The following FAM186A variants were observed in gnomAD, a reference collection of about 807,000 sequenced individuals.
FAM186A encodes the protein family with sequence similarity 186 member A, also known as protein FAM186A.
A neutral mutation model predicts 216.8 loss-of-function variants in FAM186A; 163 were observed. The observed-to-expected ratio is 0.75, with a 90% CI of 0.66 to 0.86. The LOEUF (loss-of-function observed/expected upper bound fraction) is 0.86, where lower values mean the gene tolerates loss of function less well. Ranked by LOEUF, FAM186A falls within the 40% of genes least tolerant of loss-of-function variation. The probability of loss-of-function intolerance (pLI) is 0.00; values close to 1 mark genes in which losing one functional copy is unlikely to be tolerated. For missense variants in FAM186A, 2,184 were observed against 2,746.2 expected (o/e 0.80, Z 4.58); for synonymous variants, 805 against 1,025.3 (o/e 0.79, Z 4.10).
intron 3 of FAM186A, 75 bp from the exon 4 acceptor site, chr12:50,356,323 A>C: frequency 8.1e-7 from 1 of 1,232,994 alleles, no homozygotes. Context: ...TTTAAATCTA[A>C]GGAATTTAGC....
At chr12:50,358,355 AG>A (rs1488042208) in intron 3 of FAM186A, among the ~76,000 whole-genome samples, 2 of 151,770 alleles carry the variant, frequency 1.3e-5, no homozygotes, top group Non-Finnish European at 2.9e-5. Context: ...CTGAGGCAGG[AG>A]GATCGTTTGA....
At chr12:50,365,466 A>C (rs1476914685) in intron 1 of FAM186A, among the ~76,000 whole-genome samples, 2 of 152,188 alleles carry the variant, frequency 1.3e-5, no homozygotes, top group African/African-American at 4.8e-5. Context: ...AGAATGTTAA[A>C]AATATTTTTT....
chr12:50,359,117 AAGAC>A (rs1403261262), intron 3 of FAM186A, among the ~76,000 whole-genome samples: 1 of 151,692 alleles, frequency 6.6e-6, no homozygotes, highest in Non-Finnish European at 1.5e-5. Context: ...AATAAAAAAA[AAGAC>A]AGACAGAGGC....
rs2136093603 is a variant in FAM186A, at chr12:50,354,305, A to G, written c.2527T>C (p.Leu843=). The G allele has an allele frequency of 1.3e-6, 2 of 1,551,604 alleles. No individual in the cohort carries two copies. The highest frequency in any genetic ancestry group is 1.2e-5 in the South Asian group (1 of 84,052). ...QMSGMSLKQQ[L]LGERNLLKEH... is the part of the protein sequence containing the mutation. ...TTCAAGAGATTTCTTTCTCCCAGCAACTGCTGTTTGAGACTCATGCCAGAC... is the reference window on the plus strand; with the variant it reads ...TTCAAGAGATTTCTTTCTCCCAGCAGCTGCTGTTTGAGACTCATGCCAGAC... Residue 843 remains leucine (L), a synonymous_variant, in exon 4 of 8, where the codon TTG becomes CTG. Coordinates refer to ENST00000327337, the MANE Select transcript of FAM186A (RefSeq NM_001145475.3).
In FAM186A at chr12:50,351,513, G is replaced by A. The variant is rs937113757; in HGVS notation, c.5319C>T (p.Ala1773=). 2 of 1,507,478 alleles carry A rather than the reference G, an allele frequency of 1.3e-6. No individual in the cohort carries two copies. The highest frequency in any genetic ancestry group is 8.9e-7 in the Non-Finnish European group (1 of 1,129,048). 93.4% of individuals were successfully genotyped at this position (1,507,478 alleles called of 1,614,324 possible). The part of the protein sequence containing the change: ...SRVPLNQGPF[A]PGKPLEMGIL... ...TCCCCATTTCTAGGGGCTTCCCAGG[G>A]GCAAAGGGGCCTTGGTTGAGGGGAA... Residue 1773 remains alanine, a synonymous_variant, in exon 4 of 8, where the codon GCC becomes GCT. Transcript: ENST00000327337.
intron 1 of FAM186A, among the ~76,000 whole-genome samples, chr12:50,367,620 A>G (rs772279765): frequency 6.6e-6 from 1 of 152,052 alleles, no homozygotes; most frequent in Non-Finnish European, 1.5e-5. Flanking sequence ...AATTGTAGAA[A>G]CCCTACATAT....
At chr12:50,375,207 TAAAAC>T (rs1405960714) in intron 1 of FAM186A, among the ~76,000 whole-genome samples, 6 of 151,308 alleles carry the variant, frequency 4.0e-5, no homozygotes, top group Admixed American at 6.6e-5. Flanking sequence ...ACAAATAAAA[TAAAAC>T]AAACCAAAAA....
chr12:50,348,452 A>T (rs762973926), intron 4 of FAM186A, among the ~76,000 whole-genome samples: 6 of 151,850 alleles, frequency 4.0e-5, no homozygotes, highest in Non-Finnish European at 8.8e-5. Context: ...CGAACTCCTG[A>T]CCTCAAGTAA....
chr12:50,328,391 A>G (rs1044137795), intron 7 of FAM186A, among the ~76,000 whole-genome samples: 9 of 152,152 alleles, frequency 5.9e-5, no homozygotes, highest in Non-Finnish European at 1.3e-4. Flanking sequence ...AAACAAAAAT[A>G]CAGATCTACA....
At chr12:50,331,383 G>A (rs560569758) in intron 6 of FAM186A, among the ~76,000 whole-genome samples, 38 of 152,250 alleles carry the variant, frequency 2.5e-4, no homozygotes, top group African/African-American at 8.9e-4. Flanking sequence ...GGGATTACAG[G>A]CATGCACCAC....
Position 50,334,994 on chromosome 12 carries a change from G to A in FAM186A, c.6504-891C>T, listed in dbSNP as rs550737518. Among the ~76,000 whole-genome samples the A allele has an allele frequency of 8.5e-5, 13 of 152,240 alleles. No homozygotes were observed. The South Asian group carries it at 2.7e-3, about 32-fold the overall frequency. ...TTTAAAAATTATGCCAGGTGAAGTG[G>A]CTCATGCCTGTAATCCCAGCACTTT... On this transcript the variant is annotated intron_variant, in intron 4 of 7. Coordinates refer to ENST00000327337, the MANE Select transcript of FAM186A (RefSeq NM_001145475.3).
intron 7 of FAM186A, among the ~76,000 whole-genome samples, 155 bp from the exon 8 acceptor site, chr12:50,327,559 T>C (rs1241618163): frequency 6.6e-6 from 1 of 150,400 alleles, no homozygotes; most frequent in South Asian, 2.1e-4. Context: ...TTTTTTTTTT[T>C]GAGACAGGGT....
intron 6 of FAM186A, among the ~76,000 whole-genome samples, chr12:50,331,399 C>G (rs1001884159): frequency 4.6e-5 from 7 of 152,090 alleles, no homozygotes; most frequent in Non-Finnish European, 7.4e-5. Flanking sequence ...ACCACTATGC[C>G]GGGCTAATTT....
intron 1 of FAM186A, among the ~76,000 whole-genome samples, chr12:50,379,333 G>A (rs944825807): frequency 2.6e-5 from 4 of 151,890 alleles, no homozygotes; most frequent in South Asian, 2.1e-4. Context: ...CCAGCTACTC[G>A]GGAGGCTGAG....
chr12:50,353,256 C>T lies in FAM186A; in HGVS notation c.3576G>A (p.Gly1192=), dbSNP rs1942928729. 1.3e-6 allele frequency: 2 copies of T among 1,531,128 alleles called. No homozygotes were observed. Among genetic ancestry groups the T allele is most frequent in the South Asian group, 2.4e-5 (2 of 82,656 alleles). The allele number at this position is 1,531,128 out of a possible 1,614,324, so 94.8% of individuals were successfully genotyped here. Residue 1192 remains glycine (G), a synonymous_variant, in exon 4 of 8, where the codon GGG becomes GGA. Coordinates refer to ENST00000327337, the MANE Select transcript of FAM186A (RefSeq NM_001145475.3). The stretch of plus-strand genomic sequence containing the variant: ...GGGCCTGCTGAGGGGTGAGAGGGAT[C>T]CCCAATTCCTGAGCCTGCTGAGGGG... ...PLTPQQAQEL[G]IPLTPQQAQA... is the part of the protein sequence containing the mutation.
chr12:50,356,045 A>T lies in FAM186A; in HGVS notation c.787T>A (p.Ser263Thr). ...LENNAIKYISSTIVNLSTALS... is the reference protein window; with the variant it reads ...LENNAIKYISTTIVNLSTALS... ...GCTGTAGAAAGGTTTACTATTGTTG[A>T]TGATATATATTTAATAGCATTGTTT... The change falls in exon 4 of 8, where the codon TCA (serine) becomes ACA (threonine). Residue 263 changes from serine to threonine, a missense_variant. By Grantham distance (58) the Ser-to-Thr change is moderately conservative. Transcript: ENST00000327337. 1 of 1,551,624 alleles carries T rather than the reference A, an allele frequency of 6.4e-7. No individual in the cohort carries two copies. Among genetic ancestry groups the T allele is most frequent in the East Asian group, 2.4e-5 (1 of 40,912 alleles).
Position 50,356,156 on chromosome 12 carries a change from C to T in FAM186A, c.676G>A (p.Asp226Asn). 1 of 1,551,564 alleles carries T rather than the reference C, an allele frequency of 6.4e-7. No homozygotes were observed. Among genetic ancestry groups the T allele is most frequent in the Non-Finnish European group, 8.7e-7 (1 of 1,146,966 alleles). ...ACCTTTGTATTTGTTGCAAGTTGAT[C>T]ACTAATCATCTGATCTGGTCTTAAA... Reference protein sequence around the residue: ...RALRPDQMISDQLATNTKVSE... With the variant: ...RALRPDQMISNQLATNTKVSE... The change falls in exon 4 of 8, where the codon GAT becomes AAT. Residue 226 changes from aspartate (D) to asparagine (N), a missense_variant. Physicochemically the swap from Asp to Asn is conservative, Grantham distance 23 (BLOSUM62 1). This residue lies in a region of FAM186A where 1,132 missense variants were observed against 1,263.4 expected (regional missense o/e 0.90). Transcript: ENST00000327337.
At chr12:50,364,527 C>T (rs1451580924) in intron 1 of FAM186A, among the ~76,000 whole-genome samples, 3 of 151,572 alleles carry the variant, frequency 2.0e-5, no homozygotes, top group African/African-American at 7.3e-5. Context: ...CACTGCACTC[C>T]AGCCTAGGCG....
chr12:50,365,741 G>A (rs1223408675), intron 1 of FAM186A: 4 of 753,680 alleles, frequency 5.3e-6, no homozygotes, highest in South Asian at 4.1e-5. Context: ...GGAAGATTAT[G>A]TCTTCCCCTC....
Sources: gnomAD v4.1 joint callset for allele counts (sites outside exome capture counted in the v4.1 genomes callset) on GRCh38, gnomAD v4.1.1 for gene constraint, gnomAD v4.1.1 regional missense constraint, MANE v1.5 for transcripts, NCBI Gene and HGNC (gene_info 2026-07-23, HGNC 2026-07-21) for gene names.